Variants in ZMIZ1 observed in about 807,000 individuals in gnomAD.
ZMIZ1 encodes the protein zinc finger MIZ-type containing 1.
A neutral mutation model predicts 113.9 loss-of-function variants in ZMIZ1; 17 were observed. The observed-to-expected ratio is 0.15, with a 90% CI of 0.10 to 0.22. The LOEUF is 0.22. Ranked by LOEUF, ZMIZ1 falls within the 10% of genes least tolerant of loss-of-function variation. The probability of loss-of-function intolerance (pLI) is 1.00; values close to 1 mark genes in which losing one functional copy is unlikely to be tolerated. For missense variants in ZMIZ1, 1,059 were observed against 1,477.8 expected (o/e 0.72, Z 4.65); for synonymous variants, 607 against 603.1 (o/e 1.01, Z -0.09).
chr10:79,273,402 C>G (rs1852067580), intron 7 of ZMIZ1, among the ~76,000 whole-genome samples: 2 of 152,014 alleles, frequency 1.3e-5, no homozygotes, highest in African/African-American at 4.8e-5. Context: ...TGCTGTGTTG[C>G]CCAGGCTGGA....
chr10:79,300,620 A>T (rs1014887909), intron 16 of ZMIZ1, 112 bp from the exon 17 acceptor site: 4 of 1,308,658 alleles, frequency 3.1e-6, no homozygotes, highest in Non-Finnish European at 4.2e-6. Context: ...TGGGGTCCTG[A>T]GGATCTCGGA....
chr10:79,127,525 A>G (rs557298108), intron 2 of ZMIZ1, among the ~76,000 whole-genome samples: 2 of 120,802 alleles, frequency 1.7e-5, no homozygotes, highest in East Asian at 5.4e-4. Flanking sequence ...TATCCTCACA[A>G]CCCCTGACTC....
chr10:79,143,021 C>A (rs1018443714), intron 3 of ZMIZ1, among the ~76,000 whole-genome samples: 1 of 152,214 alleles, frequency 6.6e-6, no homozygotes, highest in African/African-American at 2.4e-5. Context: ...CAATCATATA[C>A]GTGCGTGTCA....
chr10:79,248,979 T>C (rs1422224769), intron 7 of ZMIZ1, among the ~76,000 whole-genome samples: 1 of 152,200 alleles, frequency 6.6e-6, no homozygotes, highest in African/African-American at 2.4e-5. Context: ...ACCAGCTCCC[T>C]GTCTGCCTCC....
intron 1 of ZMIZ1, among the ~76,000 whole-genome samples, chr10:79,071,654 G>A (rs1034342054): frequency 1.3e-5 from 2 of 152,182 alleles, no homozygotes; most frequent in African/African-American, 4.8e-5. Flanking sequence ...TGCAGGGGCC[G>A]GGTGGGTTTG....
At chr10:79,281,282 G>T (rs1017390261) in intron 8 of ZMIZ1, among the ~76,000 whole-genome samples, 1 of 152,194 alleles carries the variant, frequency 6.6e-6, no homozygotes, top group East Asian at 1.9e-4. Flanking sequence ...CTGGGGCCAC[G>T]TTGGAATCTG....
chr10:79,157,368 G>GT (rs1845939114), intron 3 of ZMIZ1, among the ~76,000 whole-genome samples: 1 of 147,604 alleles, frequency 6.8e-6, no homozygotes, highest in Non-Finnish European at 1.5e-5. Flanking sequence ...AGGCATAAGG[G>GT]GTGTGTGTGT....
chr10:79,209,967 T>A (rs956925491), intron 6 of ZMIZ1, among the ~76,000 whole-genome samples: 1 of 152,160 alleles, frequency 6.6e-6, no homozygotes, highest in Admixed American at 6.5e-5. Flanking sequence ...ACCATCTGGC[T>A]CCCTCAGGCC....
chr10:79,139,176 G>A (rs1845152083), intron 2 of ZMIZ1, among the ~76,000 whole-genome samples: 1 of 152,182 alleles, frequency 6.6e-6, no homozygotes, highest in East Asian at 1.9e-4. Context: ...TCAGGGATCT[G>A]GTGAGCAATT....
At chr10:79,163,724 G>C (rs1846206420) in intron 4 of ZMIZ1, among the ~76,000 whole-genome samples, 1 of 152,204 alleles carries the variant, frequency 6.6e-6, no homozygotes, top group Non-Finnish European at 1.5e-5. Context: ...GGAGCTGCTT[G>C]GGGAAAGCCA....
At chr10:79,307,967 T>C (rs1005595264) in intron 23 of ZMIZ1, among the ~76,000 whole-genome samples, 1 of 152,240 alleles carries the variant, frequency 6.6e-6, no homozygotes, top group Non-Finnish European at 1.5e-5. Flanking sequence ...CAGGCACTTA[T>C]TCTCCAAGGA....
chr10:79,156,264 A>ACC (rs35685349), intron 3 of ZMIZ1, among the ~76,000 whole-genome samples: 2 of 150,932 alleles, frequency 1.3e-5, no homozygotes, highest in Admixed American at 6.6e-5. Flanking sequence ...TAGTTCAGAG[A>ACC]CCCCCCCGCT....
At chr10:79,101,253 G>A (rs1449411909) in intron 1 of ZMIZ1, among the ~76,000 whole-genome samples, 1 of 152,180 alleles carries the variant, frequency 6.6e-6, no homozygotes, top group Non-Finnish European at 1.5e-5. Flanking sequence ...CACAGGCAAA[G>A]GGCTGAGCTC....
At chr10:79,247,375 T>C (rs528305311) in intron 7 of ZMIZ1, among the ~76,000 whole-genome samples, 1 of 152,296 alleles carries the variant, frequency 6.6e-6, no homozygotes, top group South Asian at 2.1e-4. Context: ...CAGGATCTGA[T>C]GGGCTGTGTG....
chr10:79,206,629 G>C (rs146101317), intron 5 of ZMIZ1, among the ~76,000 whole-genome samples: 51 of 152,354 alleles, frequency 3.3e-4, no homozygotes, highest in African/African-American at 1.2e-3. Context: ...CACTGCCTTT[G>C]CAGAAGGAGC....
At chr10:79,182,142 A>G (rs1847147388) in intron 4 of ZMIZ1, among the ~76,000 whole-genome samples, 1 of 152,216 alleles carries the variant, frequency 6.6e-6, no homozygotes, top group Non-Finnish European at 1.5e-5. Flanking sequence ...GCGTGTGTGC[A>G]TGCATGGACG....
At chr10:79,185,508 CT>C (rs72515568) in intron 4 of ZMIZ1, among the ~76,000 whole-genome samples, 13,491 of 148,172 alleles carry the variant, frequency 0.091, 945 homozygotes, top group African/African-American at 0.19. Flanking sequence ...ACTTCTACAT[CT>C]TTTTTTTTTT....
chr10:79,234,099 C>T, intron 7 of ZMIZ1, among the ~76,000 whole-genome samples: 1 of 152,114 alleles, frequency 6.6e-6, no homozygotes, highest in East Asian at 1.9e-4. Context: ...ATCTTGACAC[C>T]CCTGGGGAGC....
At chr10:79,128,843 T>G (rs1210041111) in intron 2 of ZMIZ1, among the ~76,000 whole-genome samples, 1 of 152,212 alleles carries the variant, frequency 6.6e-6, no homozygotes, top group Non-Finnish European at 1.5e-5. Context: ...AAAGTAGTTT[T>G]CAGTGCTCTA....
Sources: allele counts gnomAD v4.1 joint callset (sites outside exome capture counted in the v4.1 genomes callset), GRCh38; gene constraint gnomAD v4.1.1; transcripts MANE v1.5; gene names NCBI Gene and HGNC (gene_info 2026-07-23, HGNC 2026-07-21).